ELFN1: variants seen among roughly 807,000 people sequenced by gnomAD.
The protein encoded by ELFN1 is extracellular leucine rich repeat and fibronectin type III domain containing 1.
A neutral mutation model predicts 7.6 loss-of-function variants in ELFN1; 6 were observed. That is an observed-to-expected ratio of 0.79 (90% CI 0.43 to 1.56). ELFN1 has a LOEUF of 1.56. ELFN1 is among the 40% of genes most tolerant of loss of function. ELFN1 has a pLI of 0.01. For missense variants in ELFN1, 1,169 were observed against 1,232.2 expected, an observed-to-expected ratio of 0.95 and a Z score of 0.77; for synonymous variants, 657 against 588.1, an observed-to-expected ratio of 1.12 and a Z score of -1.70.
intron 1 of ELFN1, among the ~76,000 whole-genome samples, chr7:1,676,208 C>A (rs1194903352): frequency 6.6e-6 from 1 of 152,214 alleles, no homozygotes; most frequent in Non-Finnish European, 1.5e-5. Context: ...CTGTTGTCTC[C>A]CTGCCTGAGG....
At chr7:1,741,244 T>A (rs971951675) in intron 3 of ELFN1, among the ~76,000 whole-genome samples, 3 of 151,972 alleles carry the variant, frequency 2.0e-5, no homozygotes, top group Non-Finnish European at 4.4e-5. Context: ...CCTTCCTCCC[T>A]GGCAGGGCGC....
intron 1 of ELFN1, among the ~76,000 whole-genome samples, chr7:1,676,263 C>T (rs575920776): frequency 6.6e-6 from 1 of 152,324 alleles, no homozygotes; most frequent in South Asian, 2.1e-4. Flanking sequence ...ACAGACTGCC[C>T]CTGTGTCTGT....
chr7:1,719,936 G>C (rs1179063241), intron 3 of ELFN1, among the ~76,000 whole-genome samples: 1 of 93,950 alleles, frequency 1.1e-5, no homozygotes, highest in Non-Finnish European at 2.1e-5. Context: ...ACCTCTGCAA[G>C]CTCCAGCCCC....
chr7:1,707,106 G>C (rs1779549234), intron 2 of ELFN1, among the ~76,000 whole-genome samples: 1 of 152,256 alleles, frequency 6.6e-6, no homozygotes, highest in African/African-American at 2.4e-5. Flanking sequence ...CTCCAGGGCA[G>C]GTGCCCTGAC....
In ELFN1 at chr7:1,695,566, A is replaced by T. The variant is rs967885325; in HGVS notation, c.-456+7416A>T. Among the ~76,000 whole-genome samples, 1 of 151,848 alleles carries T rather than the reference A, an allele frequency of 6.6e-6. No homozygotes were observed. The highest frequency in any genetic ancestry group is 1.5e-5 in the Non-Finnish European group (1 of 67,938). ...TTCAAGACAAGCCTGGCCAACATGG[A>T]GAAACCCCGTCTCTACTAAAAAATA... On this transcript the variant is annotated intron_variant, in intron 2 of 3. Coordinates refer to ENST00000424383, the MANE Select transcript of ELFN1 (RefSeq NM_001128636.4). This position sits in a 1 kb window ranked among gnomAD's most constrained non-coding sequence, Gnocchi z 5.1.
Position 1,714,890 on chromosome 7 carries a change from T to C in ELFN1, c.-294+5638T>C, listed in dbSNP as rs1343326253. 2.2e-4 allele frequency among the ~76,000 whole-genome samples: 33 copies of C among 152,202 alleles called. 1 individual carries two copies. Among genetic ancestry groups the C allele is most frequent in the Admixed American group, 2.2e-3 (33 of 15,276 alleles). On this transcript the variant is annotated intron_variant, in intron 3 of 3. Coordinates refer to ENST00000424383, the MANE Select transcript of ELFN1 (RefSeq NM_001128636.4). Reference sequence around the variant, plus strand: ...GCAAAGACAGCAGCAGTGGAGCTGGTACACAGCCTAAGGGGGTTGTCAATG... The same window carrying C: ...GCAAAGACAGCAGCAGTGGAGCTGGCACACAGCCTAAGGGGGTTGTCAATG...
intron 1 of ELFN1, among the ~76,000 whole-genome samples, chr7:1,679,206 T>A (rs1778929925): frequency 6.7e-6 from 1 of 148,864 alleles, no homozygotes; most frequent in Non-Finnish European, 1.5e-5. Flanking sequence ...CAACTGCGCA[T>A]GGCTCCCATT....
chr7:1,690,692 G>T (rs1204279632), intron 2 of ELFN1, among the ~76,000 whole-genome samples: 1 of 150,392 alleles, frequency 6.6e-6, no homozygotes, highest in African/African-American at 2.5e-5. Context: ...GATGCTAGAA[G>T]GATATATGGA....
intron 3 of ELFN1, among the ~76,000 whole-genome samples, chr7:1,741,858 CA>C (rs1197091953): frequency 6.6e-6 from 1 of 152,212 alleles, no homozygotes; most frequent in African/African-American, 2.4e-5. Flanking sequence ...GCTGCCCAGA[CA>C]GGGGGTCCTC....
chr7:1,674,668 C>A (rs1394709942), intron 1 of ELFN1, among the ~76,000 whole-genome samples: 1 of 152,130 alleles, frequency 6.6e-6, no homozygotes, highest in Non-Finnish European at 1.5e-5. Context: ...TAATGTCTTC[C>A]TCTGCCAGTT....
chr7:1,747,938 C>A lies in ELFN1; in HGVS notation c.*855C>A, dbSNP rs3829824. On this transcript the variant is annotated 3_prime_UTR_variant, in exon 4 of 4. Coordinates refer to ENST00000424383, the MANE Select transcript of ELFN1 (RefSeq NM_001128636.4). ...TTAAAAAAAAATCTGCAAAGGAAAA[C>A]AAATCAAATGCTTGTTTGTCCTGGG... 0.72 allele frequency: 117,865 copies of A among 163,882 alleles called. 42,279 individuals are homozygous for A. The highest frequency in any genetic ancestry group is 0.78 in the African/African-American group (31,796 of 40,638). The allele number at this position is 163,882 out of a possible 1,614,324, so 10.2% of individuals were successfully genotyped here.
intron 3 of ELFN1, among the ~76,000 whole-genome samples, chr7:1,709,787 C>T (rs971605377): frequency 1.3e-5 from 2 of 152,258 alleles, no homozygotes; most frequent in Non-Finnish European, 2.9e-5. Flanking sequence ...GTGGAGGTCT[C>T]CATCCCAATG....
upstream of ELFN1, among the ~76,000 whole-genome samples, chr7:1,668,145 T>C (rs1156402431): frequency 7.2e-5 from 11 of 152,172 alleles, no homozygotes; most frequent in Non-Finnish European, 1.6e-4. Flanking sequence ...CAAGTTGACC[T>C]CTGAGGTTCT....
Position 1,744,923 on chromosome 7 carries a change from C to A in ELFN1, c.327C>A (p.Asn109Lys). The change falls in exon 4 of 4, where the codon AAC becomes AAA. Residue 109 changes from asparagine to lysine, a missense_variant. Coordinates refer to ENST00000424383, the MANE Select transcript of ELFN1 (RefSeq NM_001128636.4). ...ACGGCGCCTTCTCGGGCCAGTTCAA[C>A]CTGCAGGTGCTGCAGCTGGGCTACA... is the stretch of plus-strand genomic sequence containing the variant. ...IEDGAFSGQF[N>K]LQVLQLGYNR... 6.4e-7 allele frequency: 1 copy of A among 1,552,868 alleles called. No homozygotes were observed. The highest frequency in any genetic ancestry group is 1.2e-5 in the South Asian group (1 of 84,148).
At chr7:1,730,409 G>A (rs551686738) in intron 3 of ELFN1, among the ~76,000 whole-genome samples, 21 of 152,090 alleles carry the variant, frequency 1.4e-4, no homozygotes, top group Non-Finnish European at 2.4e-4. Flanking sequence ...GATCTCACCC[G>A]TGAATATTGG....
At chr7:1,716,809 G>C (rs1779847134) in intron 3 of ELFN1, among the ~76,000 whole-genome samples, 1 of 152,216 alleles carries the variant, frequency 6.6e-6, no homozygotes, top group Non-Finnish European at 1.5e-5. Context: ...GGCCTGGGGA[G>C]GAGGCCAGCA....
In ELFN1 at chr7:1,745,517, C is replaced by G. The variant is rs1242294786; in HGVS notation, c.921C>G (p.Pro307=). The G allele has an allele frequency of 1.3e-6, 2 of 1,546,088 alleles. No homozygotes were observed. The highest frequency in any genetic ancestry group is 3.9e-5 in the Admixed American group (2 of 51,002). ...GCACCACGCCACTGGTGGCCCTGCC[C>G]ACGCTGGCCACGCAGGCCGAGGCCC... ...GDGTTPLVAL[P]TLATQAEARP... Residue 307 remains proline, a synonymous_variant, in exon 4 of 4, where the codon CCC becomes CCG. Coordinates refer to ENST00000424383, the MANE Select transcript of ELFN1 (RefSeq NM_001128636.4).
In ELFN1 at chr7:1,744,549, T is replaced by A; in HGVS notation, c.-48T>A. 1 of 1,436,330 alleles carries A rather than the reference T, an allele frequency of 7.0e-7. No individual in the cohort carries two copies. The highest frequency in any genetic ancestry group is 9.1e-7 in the Non-Finnish European group (1 of 1,099,674). 89.0% of individuals were successfully genotyped at this position (1,436,330 alleles called of 1,614,324 possible). ...GGGGGCTGGCGCCTGGCCCCCCACC[T>A]GGTCCCCCTGGGCAGGCTGAATTGG... is the stretch of plus-strand genomic sequence containing the variant. On this transcript the variant is annotated 5_prime_UTR_variant, in exon 4 of 4. Coordinates refer to ENST00000424383, the MANE Select transcript of ELFN1 (RefSeq NM_001128636.4).
intron 2 of ELFN1, chr7:1,692,970 G>A (rs964005213): frequency 2.5e-5 from 6 of 243,086 alleles, no homozygotes; most frequent in South Asian, 1.3e-4. Flanking sequence ...CCTGCGCCAC[G>A]CTCTGCCATG....
Sources: allele counts gnomAD v4.1 joint callset (sites outside exome capture counted in the v4.1 genomes callset), GRCh38; gene constraint gnomAD v4.1.1; non-coding constraint Gnocchi (gnomAD v3.1); transcripts MANE v1.5; gene names NCBI Gene and HGNC (gene_info 2026-07-23, HGNC 2026-07-21).